Variants in ENTREP3 observed in about 807,000 individuals in gnomAD.
The protein encoded by ENTREP3 is endosomal transmembrane epsin interactor 3.
chr1:155,253,543 C>T, the ENTREP3 span: 1 of 916,934 alleles, frequency 1.1e-6, no homozygotes. Flanking sequence ...GATCTGTAGC[C>T]ATTGTTCCCT....
chr1:155,250,360 G>T, the ENTREP3 span: 1 of 1,546,296 alleles, frequency 6.5e-7, no homozygotes, highest in East Asian at 2.5e-5. The surrounding 1 kb of genome is among the most constrained non-coding windows in gnomAD (Gnocchi z 5.4). Flanking sequence ...TGAGGAGGCC[G>T]GTGCCCCGGT....
chr1:155,248,169 C>T, the ENTREP3 span: 2 of 1,613,666 alleles, frequency 1.2e-6, no homozygotes, highest in Non-Finnish European at 1.7e-6. Context: ...AGGGAGTGGG[C>T]AGGTGCAGGG....
chr1:155,253,938 A>T, the ENTREP3 span: 70 of 1,612,814 alleles, frequency 4.3e-5, no homozygotes, highest in Non-Finnish European at 5.8e-5. Context: ...ACAGGGCCGG[A>T]GGAGGGGAAC....
chr1:155,248,837 C>T, the ENTREP3 span, among the ~76,000 whole-genome samples: 2 of 151,782 alleles, frequency 1.3e-5, no homozygotes, highest in African/African-American at 2.4e-5. Context: ...GCCTCAGCCT[C>T]CCTAGTAGCT....
the ENTREP3 span, chr1:155,250,914 G>A: frequency 7.4e-7 from 1 of 1,343,834 alleles, no homozygotes; most frequent in South Asian, 1.4e-5. This position sits in a 1 kb window ranked among gnomAD's most constrained non-coding sequence, Gnocchi z 5.4. Flanking sequence ...GCCTCTAGGG[G>A]CCACTGTGCC....
the ENTREP3 span, chr1:155,254,041 T>A: frequency 1.2e-6 from 2 of 1,613,220 alleles, no homozygotes; most frequent in Non-Finnish European, 1.7e-6. This position sits in a 1 kb window ranked among gnomAD's most constrained non-coding sequence, Gnocchi z 4.4. Context: ...CCTGCACACC[T>A]CCCCCAGCCA....
At chr1:155,253,310 G>A in the ENTREP3 span, 1 of 270,152 alleles carries the variant, frequency 3.7e-6, no homozygotes. Context: ...CTCTCAAAGT[G>A]CTGGGATTAC....
the ENTREP3 span, chr1:155,251,918 C>T: frequency 1.0e-4 from 144 of 1,422,998 alleles, 1 homozygote; most frequent in South Asian, 1.3e-3. Context: ...GCTGGGGAAG[C>T]GAGCAGGTCA....
chr1:155,250,618 G>T, the ENTREP3 span: 6 of 1,609,748 alleles, frequency 3.7e-6, no homozygotes, highest in Non-Finnish European at 5.1e-6. The surrounding 1 kb of genome is among the most constrained non-coding windows in gnomAD (Gnocchi z 5.4). Flanking sequence ...CGTGGCAGGG[G>T]GCTTTCCTCG....
chr1:155,254,890 G>A, the ENTREP3 span: 6 of 1,547,386 alleles, frequency 3.9e-6, no homozygotes, highest in South Asian at 4.7e-5. This position sits in a 1 kb window ranked among gnomAD's most constrained non-coding sequence, Gnocchi z 4.4. Context: ...CTGCTGCCCG[G>A]TTGCCTGCGC....
chr1:155,250,778 G>GT, the ENTREP3 span: 2 of 1,611,070 alleles, frequency 1.2e-6, no homozygotes, highest in Non-Finnish European at 8.5e-7. The surrounding 1 kb of genome is among the most constrained non-coding windows in gnomAD (Gnocchi z 5.4). Flanking sequence ...CCCCAGGGAG[G>GT]TCACCAATGG....
At chr1:155,247,936 C>T in the ENTREP3 span, 8 of 1,600,662 alleles carry the variant, frequency 5.0e-6, no homozygotes, top group Admixed American at 1.2e-4. Flanking sequence ...GCCAGGCCGG[C>T]CCCACAGGCT....
chr1:155,251,292 C>T, the ENTREP3 span: 1 of 813,288 alleles, frequency 1.2e-6, no homozygotes, highest in South Asian at 1.8e-5. Flanking sequence ...ATTGTGCAGC[C>T]TCAGCTTCCA....
chr1:155,252,706 A>G, the ENTREP3 span: 21 of 45,484 alleles, frequency 4.6e-4, 1 homozygote, highest in Middle Eastern at 9.8e-3. Flanking sequence ...ATATATATAT[A>G]TATATATATA....
chr1:155,254,252 C>T, the ENTREP3 span: 37 of 1,484,122 alleles, frequency 2.5e-5, no homozygotes, highest in African/African-American at 1.7e-4. This position sits in a 1 kb window ranked among gnomAD's most constrained non-coding sequence, Gnocchi z 4.4. Context: ...TCCTCTGCCA[C>T]GGACAGAGTC....
chr1:155,251,243 G>A, the ENTREP3 span: 1 of 1,169,324 alleles, frequency 8.6e-7, no homozygotes, highest in East Asian at 2.6e-5. Flanking sequence ...TGGAGACTTA[G>A]ATTCCAGACC....
chr1:155,255,165 T>G, the ENTREP3 span: 2 of 522,744 alleles, frequency 3.8e-6, no homozygotes, highest in Non-Finnish European at 3.5e-6. The surrounding 1 kb of genome is among the most constrained non-coding windows in gnomAD (Gnocchi z 5.6). Context: ...CGCATCTCCC[T>G]AGGGAAGAGG....
At chr1:155,252,547 T>TCGTTTGTTTG in the ENTREP3 span, among the ~76,000 whole-genome samples, 2 of 146,608 alleles carry the variant, frequency 1.4e-5, no homozygotes, top group Non-Finnish European at 3.0e-5. Context: ...TTTTTGTATT[T>TCGTTTGTTTG]TTAGTAGAGA....
chr1:155,254,904 G>T, the ENTREP3 span: 23 of 1,527,176 alleles, frequency 1.5e-5, no homozygotes, highest in Non-Finnish European at 1.9e-5. The surrounding 1 kb of genome is among the most constrained non-coding windows in gnomAD (Gnocchi z 4.4). Flanking sequence ...CCTGCGCCTC[G>T]CTCGGCCCTC....
Sources: gnomAD v4.1 joint callset for allele counts (sites outside exome capture counted in the v4.1 genomes callset) on GRCh38, gnomAD v4.1.1 for gene constraint, Gnocchi (gnomAD v3.1) non-coding constraint, MANE v1.5 for transcripts, NCBI Gene and HGNC (gene_info 2026-07-23, HGNC 2026-07-21) for gene names.